Variants in BMPR1B observed in about 807,000 individuals in gnomAD.
BMPR1B encodes the protein bone morphogenetic protein receptor type 1B.
Under a neutral mutation model 59.1 loss-of-function variants are expected in BMPR1B, and 12 were observed. The observed-to-expected ratio is 0.20, with a 90% CI of 0.13 to 0.33. The LOEUF (loss-of-function observed/expected upper bound fraction) is 0.33. Ranked by LOEUF, BMPR1B falls within the 10% of genes least tolerant of loss-of-function variation. The pLI is 1.00. For synonymous variants in BMPR1B, 237 were observed against 207.3 expected, an observed-to-expected ratio of 1.14 and a Z score of -1.23; for missense variants, 550 against 610.9, an observed-to-expected ratio of 0.90 and a Z score of 1.05.
At chr4:94,782,773 T>A (rs1361429039) in intron 1 of BMPR1B, among the ~76,000 whole-genome samples, 1 of 152,224 alleles carries the variant, frequency 6.6e-6, no homozygotes, top group Non-Finnish European at 1.5e-5. Flanking sequence ...AAGCTTTGTT[T>A]GTCAGATCTA....
At chr4:95,151,888 CTAGAA>C (rs1735068192) in intron 11 of BMPR1B, among the ~76,000 whole-genome samples, 1 of 151,972 alleles carries the variant, frequency 6.6e-6, no homozygotes, top group Admixed American at 6.6e-5. Context: ...AAAGAAGATA[CTAGAA>C]GCCTGCATTT....
At chr4:95,116,424 C>CACACACACAA (rs1732065286) in intron 6 of BMPR1B, among the ~76,000 whole-genome samples, 1 of 85,206 alleles carries the variant, frequency 1.2e-5, no homozygotes, top group African/African-American at 3.6e-5. Context: ...AGCGCGCGCA[C>CACACACACAA]ACACACACAC....
At chr4:95,144,803 A>G (rs915062058) in intron 10 of BMPR1B, among the ~76,000 whole-genome samples, 2 of 152,100 alleles carry the variant, frequency 1.3e-5, no homozygotes, top group Non-Finnish European at 2.9e-5. Flanking sequence ...GAGAGAGAAC[A>G]TTTCTTCTGT....
chr4:95,141,335 G>C (rs1390273721), intron 10 of BMPR1B, among the ~76,000 whole-genome samples: 1 of 152,116 alleles, frequency 6.6e-6, no homozygotes, highest in African/African-American at 2.4e-5. Context: ...TGGAGTCACA[G>C]CTTACCCTGT....
intron 3 of BMPR1B, chr4:95,051,879 T>A: frequency 1.8e-6 from 2 of 1,127,370 alleles, no homozygotes; most frequent in Non-Finnish European, 2.5e-6. Flanking sequence ...GTTCAATGTC[T>A]ATAAAGTTCC....
intron 1 of BMPR1B, among the ~76,000 whole-genome samples, chr4:94,776,097 G>GAA (rs200886486): frequency 0.42 from 58,397 of 138,626 alleles, 13,056 homozygotes; most frequent in East Asian, 0.67. Flanking sequence ...CTCAAAAAAA[G>GAA]AAAAAAAAAA....
intron 1 of BMPR1B, among the ~76,000 whole-genome samples, chr4:94,806,574 C>T (rs907721269): frequency 2.6e-5 from 4 of 152,110 alleles, no homozygotes; most frequent in African/African-American, 9.7e-5. Flanking sequence ...GCTGTTGCAC[C>T]AGTAGCTAGT....
chr4:94,826,416 T>C (rs1004231019), intron 1 of BMPR1B, among the ~76,000 whole-genome samples: 3 of 152,220 alleles, frequency 2.0e-5, no homozygotes, highest in Non-Finnish European at 2.9e-5. Flanking sequence ...CAGGTTCACT[T>C]CCTGCTCCCT....
chr4:95,136,447 C>G (rs1353664499), intron 10 of BMPR1B, among the ~76,000 whole-genome samples: 2 of 152,192 alleles, frequency 1.3e-5, no homozygotes, highest in Non-Finnish European at 2.9e-5. Flanking sequence ...GGAGGATTCC[C>G]TCTCTTTCTG....
At chr4:94,938,874 G>T (rs904163116) in intron 2 of BMPR1B, among the ~76,000 whole-genome samples, 1 of 151,822 alleles carries the variant, frequency 6.6e-6, no homozygotes, top group Non-Finnish European at 1.5e-5. Context: ...AGCCATGTGT[G>T]GGGGCACATG....
At position 95,157,020 on chromosome 4, in the gene BMPR1B, G is replaced by C. The variant is rs927884302; in HGVS notation, c.*2347G>C. 6.6e-6 allele frequency: 1 copy of C among 152,112 alleles called. No individual in the cohort carries two copies. The highest frequency in any genetic ancestry group is 1.5e-5 in the Non-Finnish European group (1 of 67,972). The allele number at this position is 152,112 out of a possible 1,614,324, so 9.4% of individuals were successfully genotyped here. The stretch of plus-strand genomic sequence containing the variant: ...TATGTTTTCTTTTTGGTAAATACTT[G>C]AACGTGGATAACGTCAAATCAGAAT... On this transcript the variant is annotated 3_prime_UTR_variant, in exon 13 of 13. Transcript: ENST00000515059.
chr4:95,144,872 C>A (rs768286222), intron 10 of BMPR1B, among the ~76,000 whole-genome samples: 1 of 152,158 alleles, frequency 6.6e-6, no homozygotes, highest in Non-Finnish European at 1.5e-5. Context: ...CGTAGCAGCT[C>A]ATTTTCTCTG....
chr4:95,141,647 G>A (rs1734237482), intron 10 of BMPR1B, among the ~76,000 whole-genome samples: 1 of 152,284 alleles, frequency 6.6e-6, no homozygotes, highest in South Asian at 2.1e-4. Flanking sequence ...ATTGGGAGGA[G>A]AAAACAATGA....
At chr4:94,862,030 A>G (rs1477444424) in intron 1 of BMPR1B, among the ~76,000 whole-genome samples, 2 of 151,398 alleles carry the variant, frequency 1.3e-5, no homozygotes, top group Non-Finnish European at 3.0e-5. Flanking sequence ...AGCAGCTAAC[A>G]GTACATAGTG....
chr4:94,777,521 G>T (rs1301446388), intron 1 of BMPR1B, among the ~76,000 whole-genome samples: 1 of 152,064 alleles, frequency 6.6e-6, no homozygotes, highest in Non-Finnish European at 1.5e-5. Context: ...CTATAGGAAT[G>T]ATTTAAAGGA....
chr4:95,053,926 A>G (rs144662622), intron 3 of BMPR1B, among the ~76,000 whole-genome samples: 212 of 152,316 alleles, frequency 1.4e-3, no homozygotes, highest in African/African-American at 4.9e-3. Flanking sequence ...GACAACATCT[A>G]ACATCCTTTA....
chr4:94,984,155 C>G (rs1476064111), intron 2 of BMPR1B, among the ~76,000 whole-genome samples: 2 of 152,190 alleles, frequency 1.3e-5, no homozygotes, highest in African/African-American at 4.8e-5. Flanking sequence ...GCCAATAAGT[C>G]TGTGCACTGA....
chr4:95,064,602 A>G (rs1326917915), intron 3 of BMPR1B, among the ~76,000 whole-genome samples: 2 of 152,216 alleles, frequency 1.3e-5, no homozygotes, highest in African/African-American at 4.8e-5. Flanking sequence ...GACAGTCCAC[A>G]TAATGGAAGA....
At chr4:94,807,392 G>A (rs1292478927) in intron 1 of BMPR1B, among the ~76,000 whole-genome samples, 5 of 152,126 alleles carry the variant, frequency 3.3e-5, no homozygotes, top group Non-Finnish European at 5.9e-5. Flanking sequence ...AGAACCAGCT[G>A]TGTGTCCTAA....
Sources: allele counts gnomAD v4.1 joint callset (sites outside exome capture counted in the v4.1 genomes callset), GRCh38; gene constraint gnomAD v4.1.1; transcripts MANE v1.5; gene names NCBI Gene and HGNC (gene_info 2026-07-23, HGNC 2026-07-21).